EVI5: variants seen among roughly 807,000 people sequenced by gnomAD.
The protein encoded by EVI5 is ecotropic viral integration site 5 protein homolog.
EVI5 carries 73 observed loss-of-function variants against 112.0 expected under a neutral mutation model. The observed-to-expected ratio is 0.65, with a 90% confidence interval of 0.54 to 0.79. The LOEUF is 0.79. Among genes scored for constraint, EVI5 ranks in the 30% least tolerant of loss-of-function variants. The pLI, the probability that EVI5 is intolerant of heterozygous loss-of-function variation, is 0.00. For missense variants in EVI5, 900 were observed against 968.8 expected, an observed-to-expected ratio of 0.93 and a Z score of 0.94; for synonymous variants, 305 against 319.9, an observed-to-expected ratio of 0.95 and a Z score of 0.50.
rs567499270 is a variant in EVI5, at chr1:92,657,888, G to A, written c.1392+4831C>T. Reference sequence around the variant, plus strand: ...GTGAGAGTGGGAGCAAGAGAGTAGGGGAGGGGGTTGCCACACAGTCTTAAA... The same window carrying A: ...GTGAGAGTGGGAGCAAGAGAGTAGGAGAGGGGGTTGCCACACAGTCTTAAA... On this transcript the variant is annotated intron_variant, in intron 13 of 19. Transcript: ENST00000684568. 2.6e-5 allele frequency among the ~76,000 whole-genome samples: 4 copies of A among 152,236 alleles called. No individual in the cohort carries two copies. The South Asian group carries it at 8.3e-4, about 32-fold the overall frequency.
chr1:92,744,472 T>C (rs1678935845), intron 1 of EVI5, among the ~76,000 whole-genome samples: 1 of 152,196 alleles, frequency 6.6e-6, no homozygotes, highest in Non-Finnish European at 1.5e-5. Context: ...TCACAGACTA[T>C]TTTGTCTTCT....
At chr1:92,750,545 G>A (rs1680019606) in intron 1 of EVI5, among the ~76,000 whole-genome samples, 1 of 152,118 alleles carries the variant, frequency 6.6e-6, no homozygotes, top group Non-Finnish European at 1.5e-5. Context: ...AAACTCCTTT[G>A]AGAAATTCAT....
chr1:92,743,414 C>A (rs949232993), intron 1 of EVI5, among the ~76,000 whole-genome samples: 1 of 151,586 alleles, frequency 6.6e-6, no homozygotes, highest in Non-Finnish European at 1.5e-5. Context: ...GGACATTATA[C>A]GAAGTGAAAA....
At chr1:92,739,808 T>C (rs1678074811) in intron 1 of EVI5, among the ~76,000 whole-genome samples, 1 of 152,136 alleles carries the variant, frequency 6.6e-6, no homozygotes, top group African/African-American at 2.4e-5. Context: ...GGTTAATTAC[T>C]TCCTGAATCA....
chr1:92,713,507 G>A (rs1281055599), intron 2 of EVI5, among the ~76,000 whole-genome samples: 1 of 152,090 alleles, frequency 6.6e-6, no homozygotes, highest in African/African-American at 2.4e-5. Flanking sequence ...CAGGCGCAGT[G>A]GCTCACACCT....
intron 18 of EVI5, among the ~76,000 whole-genome samples, chr1:92,593,957 G>A (rs1465160470): frequency 6.6e-6 from 1 of 152,150 alleles, no homozygotes; most frequent in Non-Finnish European, 1.5e-5. Flanking sequence ...CATGCTTATG[G>A]GTAGGAAGAA....
intron 1 of EVI5, among the ~76,000 whole-genome samples, chr1:92,777,176 G>A (rs1186400193): frequency 1.3e-5 from 2 of 152,090 alleles, no homozygotes; most frequent in Non-Finnish European, 2.9e-5. Flanking sequence ...GACCTCAGGT[G>A]ATCCAGCTGC....
chr1:92,539,375 C>T (rs1465615960), intron 19 of EVI5, among the ~76,000 whole-genome samples: 1 of 151,974 alleles, frequency 6.6e-6, no homozygotes, highest in Non-Finnish European at 1.5e-5. Context: ...AACCCCGTCT[C>T]TACTAAAAAT....
chr1:92,702,441 C>CTAAA (rs1553249570), intron 4 of EVI5, among the ~76,000 whole-genome samples: 1 of 140,134 alleles, frequency 7.1e-6, no homozygotes, highest in African/African-American at 2.6e-5. Context: ...GCTCTAAAGA[C>CTAAA]ATAAAATAAA....
In EVI5 at chr1:92,511,033, G is replaced by A. The variant is rs6690764; in HGVS notation, c.*2623C>T. 129,708 of 152,198 alleles carry A rather than the reference G, an allele frequency of 0.85. 55,662 individuals are homozygous for A. Among genetic ancestry groups the A allele is most frequent in the East Asian group, 0.97 (5,020 of 5,184 alleles). 9.4% of individuals were successfully genotyped at this position (152,198 alleles called of 1,614,324 possible). On this transcript the variant is annotated 3_prime_UTR_variant, in exon 20 of 20. Coordinates refer to ENST00000684568, the MANE Select transcript of EVI5 (RefSeq NM_001350197.2). ...TCCCCAAAGCACAAGACAATCCTAC[G>A]AGTAAGTAGTATCTACACTCACAGA...
At chr1:92,674,194 C>G (rs1666342109) in intron 10 of EVI5, among the ~76,000 whole-genome samples, 1 of 152,006 alleles carries the variant, frequency 6.6e-6, no homozygotes. Flanking sequence ...TTATACCTGG[C>G]TAATGAATTG....
At chr1:92,670,772 A>G (rs1305283928) in intron 10 of EVI5, among the ~76,000 whole-genome samples, 3 of 152,132 alleles carry the variant, frequency 2.0e-5, no homozygotes, top group Admixed American at 2.0e-4. Flanking sequence ...ATATGATTTC[A>G]CTGAAAAAAA....
In EVI5 at chr1:92,555,533, TAA is replaced by T. The variant is rs557433500; in HGVS notation, c.2166+8107_2166+8108del. Among the ~76,000 whole-genome samples, 878 of 152,106 alleles carry T rather than the reference TAA, an allele frequency of 5.8e-3. 1 individual carries two copies. The highest frequency in any genetic ancestry group is 9.3e-3 in the Non-Finnish European group (629 of 67,998). ...GAACTTTGTGTTACCTAAAAGGAAA[TAA>T]AGACTGGTAGAAATAGAAATAAGAA... On this transcript the variant is annotated intron_variant, in intron 19 of 19. Coordinates refer to ENST00000684568, the MANE Select transcript of EVI5 (RefSeq NM_001350197.2).
intron 10 of EVI5, among the ~76,000 whole-genome samples, chr1:92,669,708 AT>A (rs991365534): frequency 1.3e-5 from 2 of 151,878 alleles, no homozygotes; most frequent in African/African-American, 4.8e-5. Flanking sequence ...ATATACTTTT[AT>A]TTTTATTTCA....
intron 18 of EVI5, among the ~76,000 whole-genome samples, chr1:92,584,738 T>G (rs1280582188): frequency 6.6e-6 from 1 of 152,234 alleles, no homozygotes; most frequent in Non-Finnish European, 1.5e-5. Context: ...TTGAATATTC[T>G]TCTTAGTAAT....
chr1:92,550,042 A>T (rs140848621), intron 19 of EVI5, among the ~76,000 whole-genome samples: 22 of 152,296 alleles, frequency 1.4e-4, no homozygotes, highest in African/African-American at 5.1e-4. Context: ...ATAAAGACAC[A>T]TGCACATATG....
chr1:92,726,214 C>T (rs1371334471), intron 2 of EVI5, among the ~76,000 whole-genome samples: 1 of 152,110 alleles, frequency 6.6e-6, no homozygotes, highest in East Asian at 1.9e-4. Context: ...AAGTTCAATA[C>T]ATCACAAATG....
chr1:92,722,878 G>A (rs1674980880), intron 2 of EVI5, among the ~76,000 whole-genome samples: 1 of 152,170 alleles, frequency 6.6e-6, no homozygotes, highest in Non-Finnish European at 1.5e-5. Context: ...CCCACAAAAA[G>A]TTATGTGGCA....
chr1:92,551,044 T>TTTG (rs1553178853), intron 19 of EVI5, among the ~76,000 whole-genome samples: 1 of 96,722 alleles, frequency 1.0e-5, no homozygotes, highest in East Asian at 2.8e-4. Context: ...TTCTTTCTTT[T>TTTG]TTTTTTTTTT....
Sources: gnomAD v4.1 joint callset for allele counts (sites outside exome capture counted in the v4.1 genomes callset) on GRCh38, gnomAD v4.1.1 for gene constraint, MANE v1.5 for transcripts, NCBI Gene and HGNC (gene_info 2026-07-23, HGNC 2026-07-21) for gene names.